The following PCDH9 variants were observed in gnomAD, a reference collection of about 807,000 sequenced individuals.
PCDH9 encodes the protein protocadherin 9.
In PCDH9, 24 loss-of-function variants were observed where a neutral mutation model predicts 70.6. The ratio of observed to expected loss-of-function variants is 0.34; its 90% CI spans 0.25 to 0.48. PCDH9 has a LOEUF of 0.48. Among genes scored for constraint, PCDH9 ranks in the 20% least tolerant of loss-of-function variants. The probability of loss-of-function intolerance (pLI) is 0.99; values close to 1 mark genes in which losing one functional copy is unlikely to be tolerated. For synonymous variants in PCDH9, 562 were observed against 558.5 expected (o/e 1.01, Z -0.09); for missense variants, 1,281 against 1,503.6 (o/e 0.85, Z 2.45).
intron 4 of PCDH9, among the ~76,000 whole-genome samples, chr13:66,392,588 C>A (rs1018062311): frequency 1.3e-5 from 2 of 152,138 alleles, no homozygotes; most frequent in Admixed American, 6.6e-5. Flanking sequence ...GCCACAGGAA[C>A]TGTAAACTCT....
intron 2 of PCDH9, among the ~76,000 whole-genome samples, chr13:67,141,981 T>G (rs778198030): frequency 3.3e-5 from 5 of 152,152 alleles, no homozygotes; most frequent in Admixed American, 6.5e-5. Context: ...ATTTGAAATT[T>G]TATATAAAAT....
At chr13:66,896,998 T>C (rs1031146807) in intron 3 of PCDH9, among the ~76,000 whole-genome samples, 1 of 152,202 alleles carries the variant, frequency 6.6e-6, no homozygotes, top group Non-Finnish European at 1.5e-5. Flanking sequence ...TTATGTGCTA[T>C]GTTAAATTGC....
intron 2 of PCDH9, among the ~76,000 whole-genome samples, chr13:66,934,255 G>A (rs1389117337): frequency 6.6e-6 from 1 of 151,934 alleles, no homozygotes; most frequent in Non-Finnish European, 1.5e-5. Flanking sequence ...AACTTGCCCG[G>A]GTGCGGTGAC....
intron 2 of PCDH9, among the ~76,000 whole-genome samples, chr13:66,917,747 T>A (rs2082579262): frequency 1.3e-5 from 2 of 151,402 alleles, no homozygotes; most frequent in Non-Finnish European, 3.0e-5. Flanking sequence ...AGAGTAATAA[T>A]GCTCCTTATT....
intron 2 of PCDH9, among the ~76,000 whole-genome samples, chr13:67,044,265 A>AT (rs2085179811): frequency 6.6e-6 from 1 of 152,154 alleles, no homozygotes; most frequent in South Asian, 2.1e-4. Context: ...AAGCAAGAAT[A>AT]TTTTTTAAAA....
intron 4 of PCDH9, among the ~76,000 whole-genome samples, chr13:66,372,613 T>G (rs887982955): frequency 6.6e-6 from 1 of 150,894 alleles, no homozygotes; most frequent in Non-Finnish European, 1.5e-5. Context: ...AGCATCAGAG[T>G]GGCATTATAA....
intron 3 of PCDH9, among the ~76,000 whole-genome samples, chr13:66,869,073 T>A (rs2081625808): frequency 6.6e-6 from 1 of 152,108 alleles, no homozygotes; most frequent in African/African-American, 2.4e-5. Flanking sequence ...CTTTTATGAG[T>A]TTACTCAATG....
intron 2 of PCDH9, among the ~76,000 whole-genome samples, chr13:66,965,051 A>C (rs1594321393): frequency 6.6e-6 from 1 of 152,182 alleles, no homozygotes; most frequent in Admixed American, 6.5e-5. Context: ...AGTATTTAAA[A>C]TTTTTGACAT....
At chr13:66,595,856 A>ATAAAC (rs1483166613) in intron 4 of PCDH9, among the ~76,000 whole-genome samples, 1 of 151,550 alleles carries the variant, frequency 6.6e-6, no homozygotes, top group Non-Finnish European at 1.5e-5. Flanking sequence ...TTCTTAGCAG[A>ATAAAC]TAAACACCAG....
chr13:66,470,154 C>T (rs753868096), intron 4 of PCDH9, among the ~76,000 whole-genome samples: 25 of 152,092 alleles, frequency 1.6e-4, no homozygotes, highest in Non-Finnish European at 2.6e-4. Flanking sequence ...TAATTGCTTT[C>T]GTAATTAAAA....
chr13:66,960,387 C>T (rs2083327452), intron 2 of PCDH9, among the ~76,000 whole-genome samples: 1 of 152,110 alleles, frequency 6.6e-6, no homozygotes, highest in Non-Finnish European at 1.5e-5. Flanking sequence ...AAGTTATAAT[C>T]TACATATATT....
chr13:66,640,131 A>C (rs1157854764), intron 3 of PCDH9, among the ~76,000 whole-genome samples: 3 of 152,232 alleles, frequency 2.0e-5, no homozygotes, highest in Non-Finnish European at 1.5e-5. Flanking sequence ...AATTACATTA[A>C]ATTATCACTA....
chr13:66,825,564 T>C (rs2080808703), intron 3 of PCDH9, among the ~76,000 whole-genome samples: 1 of 151,788 alleles, frequency 6.6e-6, no homozygotes, highest in Admixed American at 6.6e-5. Flanking sequence ...CTCGATCTCC[T>C]GACCTCGTGA....
chr13:66,574,620 G>A (rs932432949), intron 4 of PCDH9, among the ~76,000 whole-genome samples: 3 of 152,166 alleles, frequency 2.0e-5, no homozygotes, highest in African/African-American at 7.2e-5. Context: ...CTTTCAAAAA[G>A]ATGAAATCAT....
Position 66,897,834 on chromosome 13 carries a change from G to T in PCDH9, c.3138+5670C>A, listed in dbSNP as rs182147600. 3.6e-3 allele frequency among the ~76,000 whole-genome samples: 555 copies of T among 152,090 alleles called. 5 individuals are homozygous for T. The highest frequency in any genetic ancestry group is 0.013 in the African/African-American group (530 of 41,504). ...ATTTCACATAACAGATCTATATTAA[G>T]TGCAAAGATTCCTAAATGCTATTTG... On this transcript the variant is annotated intron_variant, in intron 3 of 4. Transcript: ENST00000377865.
chr13:67,085,592 T>A (rs1301247209), intron 2 of PCDH9, among the ~76,000 whole-genome samples: 1 of 152,186 alleles, frequency 6.6e-6, no homozygotes, highest in Non-Finnish European at 1.5e-5. Context: ...TTGGAATAAC[T>A]GGCACCCCTG....
At chr13:66,599,742 A>G (rs1286698978) in intron 4 of PCDH9, among the ~76,000 whole-genome samples, 1 of 151,720 alleles carries the variant, frequency 6.6e-6, no homozygotes, top group Non-Finnish European at 1.5e-5. Context: ...TGCCTGCCTC[A>G]GCTTCAAAAA....
rs541386243 is a variant in PCDH9 at position 66,641,728 on chromosome 13, T to G, written c.3139-10317A>C. Among the ~76,000 whole-genome samples, 9 of 152,270 alleles carry G rather than the reference T, an allele frequency of 5.9e-5. 1 individual carries two copies. In the South Asian group the frequency reaches 1.9e-3, roughly 32 times the overall value. ...TATGAAGGGACAGATAGATGATGGA[T>G]GGACAGAGAGATATAGGTAGTTAAG... On this transcript the variant is annotated intron_variant, in intron 3 of 4. Coordinates refer to ENST00000377865, the MANE Select transcript of PCDH9 (RefSeq NM_203487.3).
chr13:66,973,833 G>C (rs562672375), intron 2 of PCDH9, among the ~76,000 whole-genome samples: 1 of 151,948 alleles, frequency 6.6e-6, no homozygotes, highest in Non-Finnish European at 1.5e-5. Flanking sequence ...AACAGTAGAG[G>C]AGCCATTTCC....
Sources: gnomAD v4.1 joint callset for allele counts (sites outside exome capture counted in the v4.1 genomes callset) on GRCh38, gnomAD v4.1.1 for gene constraint, MANE v1.5 for transcripts, NCBI Gene and HGNC (gene_info 2026-07-23, HGNC 2026-07-21) for gene names.